The following SPAST variants were observed in gnomAD, a reference collection of about 807,000 sequenced individuals.
The protein encoded by SPAST is spastin.
In SPAST, 30 loss-of-function variants were observed where a neutral mutation model predicts 76.6. The observed-to-expected ratio is 0.39, with a 90% CI of 0.29 to 0.53. SPAST has a LOEUF of 0.53. Ranked by LOEUF, SPAST falls within the 20% of genes least tolerant of loss-of-function variation. The probability of loss-of-function intolerance (pLI) is 0.68; values close to 1 mark genes in which losing one functional copy is unlikely to be tolerated. For synonymous variants in SPAST, 305 were observed against 281.0 expected (o/e 1.09, Z -0.86); for missense variants, 717 against 770.5 (o/e 0.93, Z 0.82).
chr2:32,108,796 C>T (rs1467295642), intron 4 of SPAST, among the ~76,000 whole-genome samples: 7 of 116,868 alleles, frequency 6.0e-5, no homozygotes, highest in African/African-American at 1.3e-4. Flanking sequence ...GACAGAGTCT[C>T]ACTCTGTCGC....
intron 10 of SPAST, 88 bp downstream of exon 10, chr2:32,136,726 GA>G: frequency 7.5e-7 from 1 of 1,340,680 alleles, no homozygotes. Context: ...ACATTATTCA[GA>G]AGGAAGAAGT....
At chr2:32,064,646 C>A (rs1362277161) in intron 1 of SPAST, among the ~76,000 whole-genome samples, 1 of 152,126 alleles carries the variant, frequency 6.6e-6, no homozygotes, top group East Asian at 1.9e-4. Flanking sequence ...GAAGCAGTGC[C>A]GCCTTACTGG....
chr2:32,068,893 C>CAA (rs550306120), intron 1 of SPAST, among the ~76,000 whole-genome samples: 11 of 104,122 alleles, frequency 1.1e-4, no homozygotes, highest in Admixed American at 3.1e-4. Context: ...GAGACTCCAT[C>CAA]AAAAAAAAAA....
intron 3 of SPAST, among the ~76,000 whole-genome samples, chr2:32,090,886 T>C (rs1056328975): frequency 6.6e-6 from 1 of 152,154 alleles, no homozygotes; most frequent in Non-Finnish European, 1.5e-5. Flanking sequence ...TCCTAGGTGG[T>C]TGTGTTTGTG....
At position 32,157,291 on chromosome 2, in the gene SPAST, A is replaced by G. The variant is rs1303976277; in HGVS notation, c.*2795A>G. 1.3e-5 allele frequency: 2 copies of G among 152,640 alleles called. No homozygotes were observed. The highest frequency in any genetic ancestry group is 2.9e-5 in the Non-Finnish European group (2 of 68,024). 9.5% of individuals were successfully genotyped at this position (152,640 alleles called of 1,614,324 possible). On this transcript the variant is annotated 3_prime_UTR_variant, in exon 17 of 17. Coordinates refer to ENST00000315285, the MANE Select transcript of SPAST (RefSeq NM_014946.4). ...TATCTTAAGGGTAAAAGCTTATTCT[A>G]AGACAGTCTGTCCATTGAGAATATT...
intron 3 of SPAST, among the ~76,000 whole-genome samples, chr2:32,095,572 T>A (rs577289816): frequency 6.4e-4 from 91 of 141,526 alleles, no homozygotes; most frequent in South Asian, 4.0e-3. Flanking sequence ...TGTCTAAATT[T>A]AAAAAAAAAA....
At chr2:32,075,056 A>G (rs1676898663) in intron 1 of SPAST, among the ~76,000 whole-genome samples, 1 of 152,128 alleles carries the variant, frequency 6.6e-6, no homozygotes, top group Non-Finnish European at 1.5e-5. Flanking sequence ...AACTCTTCGT[A>G]CTAGTTTCTG....
chr2:32,084,649 G>C (rs1677397096), intron 1 of SPAST, among the ~76,000 whole-genome samples: 1 of 151,786 alleles, frequency 6.6e-6, no homozygotes, highest in East Asian at 2.0e-4. Context: ...ACTTTTGGAG[G>C]CTGAGGCGGG....
intron 1 of SPAST, among the ~76,000 whole-genome samples, chr2:32,081,097 A>G (rs1253152291): frequency 6.6e-6 from 1 of 151,552 alleles, no homozygotes; most frequent in Non-Finnish European, 1.5e-5. Flanking sequence ...TAGCTGAGGC[A>G]ACAGGCGTGC....
Position 32,115,771 on chromosome 2 carries a change from T to C in SPAST, c.940T>C (p.Leu314=), listed in dbSNP as rs1309528456. The change falls in exon 6 of 17, where the codon TTG becomes CTG. Residue 314 remains leucine, a synonymous_variant. Transcript: ENST00000315285. ...AACTGCTACTCGTAAGAAAAAAGAC[T>C]TGAAGAATTTTAGGAATGTGGACAG... The part of the protein sequence containing the change: ...PTTATRKKKD[L]KNFRNVDSNL... 6.2e-7 allele frequency: 1 copy of C among 1,611,558 alleles called. No individual in the cohort carries two copies. Among genetic ancestry groups the C allele is most frequent in the Non-Finnish European group, 8.5e-7 (1 of 1,178,168 alleles).
intron 1 of SPAST, among the ~76,000 whole-genome samples, chr2:32,072,035 T>C (rs2148694181): frequency 6.6e-6 from 1 of 152,178 alleles, no homozygotes; most frequent in African/African-American, 2.4e-5. Context: ...ATACTTCAAT[T>C]TGTTTTATTT....
chr2:32,123,735 T>G (rs957498560), intron 7 of SPAST, among the ~76,000 whole-genome samples: 3 of 152,192 alleles, frequency 2.0e-5, no homozygotes, highest in South Asian at 4.1e-4. Flanking sequence ...TAAAGTCAAC[T>G]GATCTTTGGC....
chr2:32,066,203 G>C (rs576443142), intron 1 of SPAST: 1 of 152,088 alleles, frequency 6.6e-6, no homozygotes, highest in East Asian at 1.9e-4. Flanking sequence ...ACGAACTCCT[G>C]ACCTCAGGTG....
At position 32,084,522 on chromosome 2, in the gene SPAST, G is replaced by A. The variant is rs563649448; in HGVS notation, c.416-2970G>A. ...ACTGCAGGTATGCATTAGGGGACAG[G>A]TAGAAAAATGTTACAGCATTGTTTG... On this transcript the variant is annotated intron_variant, in intron 1 of 16. Coordinates refer to ENST00000315285, the MANE Select transcript of SPAST (RefSeq NM_014946.4). Among the ~76,000 whole-genome samples the A allele has an allele frequency of 5.3e-5, 8 of 152,124 alleles. No homozygotes were observed. The East Asian group carries it at 1.5e-3, about 29-fold the overall frequency.
chr2:32,079,992 A>G (rs1006389240), intron 1 of SPAST, among the ~76,000 whole-genome samples: 2 of 152,288 alleles, frequency 1.3e-5, no homozygotes, highest in South Asian at 2.1e-4. Context: ...TTCTGTTTAA[A>G]TTTTTGAACT....
intron 16 of SPAST, among the ~76,000 whole-genome samples, chr2:32,152,270 T>G (rs1476035572): frequency 6.6e-6 from 1 of 152,142 alleles, no homozygotes; most frequent in Non-Finnish European, 1.5e-5. Flanking sequence ...CAACATCTTT[T>G]AAAACCTTAA....
At chr2:32,126,912 GA>G (rs1679211187) in intron 7 of SPAST, 35 bp from the exon 8 acceptor site, 1 of 1,427,174 alleles carries the variant, frequency 7.0e-7, no homozygotes, top group East Asian at 2.3e-5. Flanking sequence ...AATGTCTCTA[GA>G]ATCATAGTTG....
At chr2:32,146,814 A>G (rs1469403057) in intron 15 of SPAST, among the ~76,000 whole-genome samples, 1 of 139,148 alleles carries the variant, frequency 7.2e-6, no homozygotes, top group African/African-American at 2.6e-5. Context: ...CAGTAAGCCG[A>G]GCACTGCAGC....
At position 32,136,152 on chromosome 2, in the gene SPAST, C is replaced by T. The variant is rs111683264; in HGVS notation, c.1246-411C>T. 6.6e-3 allele frequency among the ~76,000 whole-genome samples: 1,001 copies of T among 151,894 alleles called. 14 individuals carry two copies. The highest frequency in any genetic ancestry group is 0.023 in the African/African-American group (965 of 41,418). ...TGACTTTTCACGGTGTTCTTAATAGCGCAAGTTTTGTTTAGGAGAGCACAT... is the reference window on the plus strand; with the variant it reads ...TGACTTTTCACGGTGTTCTTAATAGTGCAAGTTTTGTTTAGGAGAGCACAT... On this transcript the variant is annotated intron_variant, in intron 9 of 16. Transcript: ENST00000315285.
Sources: gnomAD v4.1 joint callset for allele counts (sites outside exome capture counted in the v4.1 genomes callset) on GRCh38, gnomAD v4.1.1 for gene constraint, MANE v1.5 for transcripts, NCBI Gene and HGNC (gene_info 2026-07-23, HGNC 2026-07-21) for gene names.